Variants in CCDC3 observed in about 807,000 individuals in gnomAD.
CCDC3 encodes the protein coiled-coil domain-containing protein 3.
Under a neutral mutation model 21.4 loss-of-function variants are expected in CCDC3, and 24 were observed. The observed-to-expected ratio is 1.12, with a 90% CI of 0.81 to 1.58. CCDC3 has a LOEUF of 1.58. Among genes scored for constraint, CCDC3 ranks in the 40% most tolerant of loss-of-function variants. The pLI is 0.00. For missense variants in CCDC3, 425 were observed against 360.9 expected (o/e 1.18, Z -1.44); for synonymous variants, 186 against 166.0 (o/e 1.12, Z -0.93).
chr10:12,966,602 C>T (rs71513347), intron 2 of CCDC3, among the ~76,000 whole-genome samples: 15,616 of 152,186 alleles, frequency 0.1, 1,285 homozygotes, highest in African/African-American at 0.23. Flanking sequence ...GCATCAGACA[C>T]GCCCCAGACA....
chr10:12,932,905 T>C (rs1247611839), intron 2 of CCDC3, among the ~76,000 whole-genome samples: 2 of 152,240 alleles, frequency 1.3e-5, no homozygotes, highest in African/African-American at 4.8e-5. Flanking sequence ...TTTTTCTCCA[T>C]CTATTGATAT....
At chr10:12,930,565 T>C (rs1402620328) in intron 2 of CCDC3, among the ~76,000 whole-genome samples, 1 of 152,186 alleles carries the variant, frequency 6.6e-6, no homozygotes, top group Non-Finnish European at 1.5e-5. Flanking sequence ...TGCTAGCAAA[T>C]AGTGGCTGCT....
At chr10:13,043,315 G>A (rs1454228790) in intron 5 of CCDC3, among the ~76,000 whole-genome samples, 1 of 152,174 alleles carries the variant, frequency 6.6e-6, no homozygotes, top group African/African-American at 2.4e-5. Context: ...AGATAAGCTG[G>A]GCATGGTGGC....
chr10:13,034,130 G>C (rs1040727311), intron 5 of CCDC3, among the ~76,000 whole-genome samples: 10 of 152,020 alleles, frequency 6.6e-5, no homozygotes, highest in African/African-American at 2.4e-4. Flanking sequence ...AAGAAAATGT[G>C]GCACATATAC....
chr10:13,026,295 G>C (rs1836214460), intron 5 of CCDC3, among the ~76,000 whole-genome samples: 1 of 152,218 alleles, frequency 6.6e-6, no homozygotes, highest in Non-Finnish European at 1.5e-5. Flanking sequence ...GGTGTGGCCT[G>C]AAATTATATA....
At chr10:13,005,907 C>T (rs672823), upstream of CCDC3, among the ~76,000 whole-genome samples, 121,873 of 151,644 alleles carry the variant, frequency 0.8, 49,944 homozygotes, top group Non-Finnish European at 0.88. Flanking sequence ...AACATACATT[C>T]TCCCTCTTTT....
intron 2 of CCDC3, among the ~76,000 whole-genome samples, chr10:12,987,833 A>T (rs1835621397): frequency 6.6e-6 from 1 of 152,202 alleles, no homozygotes; most frequent in African/African-American, 2.4e-5. Flanking sequence ...GGAAGAACAC[A>T]GGAGAGCGCC....
chr10:12,996,797 G>C lies in CCDC3; in HGVS notation c.549+1541C>G, dbSNP rs774655357. ...TCCTTTGCAGACATGGATGCAGCTG[G>C]AGGCCATTATCCTAAGCAAATGAAC... On this transcript the variant is annotated intron_variant, in intron 2 of 2. Coordinates refer to ENST00000378825, the MANE Select transcript of CCDC3 (RefSeq NM_031455.4). Among the ~76,000 whole-genome samples, 26 of 152,260 alleles carry C rather than the reference G, an allele frequency of 1.7e-4. 1 individual carries two copies. Among genetic ancestry groups the C allele is most frequent in the Middle Eastern group, 6.8e-3 (2 of 294 alleles).
intron 2 of CCDC3, among the ~76,000 whole-genome samples, chr10:12,962,542 G>A (rs748081665): frequency 2.0e-5 from 3 of 152,218 alleles, no homozygotes; most frequent in Non-Finnish European, 4.4e-5. Context: ...GCTGGAGGCT[G>A]CAGTAAGCCA....
intron 5 of CCDC3, among the ~76,000 whole-genome samples, chr10:13,011,462 T>C (rs1302714896): frequency 1.3e-5 from 2 of 151,976 alleles, no homozygotes; most frequent in Non-Finnish European, 2.9e-5. Context: ...ATACAATACC[T>C]AGGAATACAG....
At chr10:12,948,740 T>TTA (rs1834963081) in intron 2 of CCDC3, among the ~76,000 whole-genome samples, 1 of 141,878 alleles carries the variant, frequency 7.0e-6, no homozygotes, top group Admixed American at 7.1e-5. Flanking sequence ...TTTTTTTTTT[T>TTA]TTTTTTTTTT....
chr10:12,962,645 G>A (rs987299105), intron 2 of CCDC3, among the ~76,000 whole-genome samples: 3 of 152,214 alleles, frequency 2.0e-5, no homozygotes, highest in Non-Finnish European at 4.4e-5. Context: ...GTTACATTTC[G>A]AACGGCTTAC....
chr10:13,088,389 C>T (rs12570212), intron 3 of CCDC3, among the ~76,000 whole-genome samples: 2,445 of 152,272 alleles, frequency 0.016, 89 homozygotes, highest in East Asian at 0.099. Flanking sequence ...ATTGAGCAAA[C>T]CAGTGTTGAT....
At chr10:12,964,592 T>C (rs1402473885) in intron 2 of CCDC3, among the ~76,000 whole-genome samples, 1 of 152,164 alleles carries the variant, frequency 6.6e-6, no homozygotes, top group Non-Finnish European at 1.5e-5. Context: ...AGATCCCTGA[T>C]TAACCCGTGC....
At chr10:12,899,182 C>G (rs1202251287) in intron 2 of CCDC3, among the ~76,000 whole-genome samples, 1 of 151,880 alleles carries the variant, frequency 6.6e-6, no homozygotes, top group Admixed American at 6.6e-5. Flanking sequence ...GCTGGGCTGG[C>G]CAGCACACAG....
chr10:13,063,311 A>C (rs1370660343), intron 4 of CCDC3, among the ~76,000 whole-genome samples: 6 of 152,048 alleles, frequency 3.9e-5, no homozygotes, highest in Non-Finnish European at 7.4e-5. Flanking sequence ...TAATTGTTCT[A>C]GGCATGGTGT....
intron 2 of CCDC3, among the ~76,000 whole-genome samples, chr10:12,951,036 C>A (rs1834999710): frequency 6.6e-6 from 1 of 152,132 alleles, no homozygotes; most frequent in South Asian, 2.1e-4. Context: ...TTAGAAAAGG[C>A]CAAGCAGGAG....
chr10:12,937,796 G>A (rs1389117010), intron 2 of CCDC3, among the ~76,000 whole-genome samples: 2 of 152,136 alleles, frequency 1.3e-5, no homozygotes, highest in Non-Finnish European at 2.9e-5. Flanking sequence ...GGCTCAGATG[G>A]GAGGCCACTA....
At chr10:12,988,788 T>C (rs1482164611) in intron 2 of CCDC3, among the ~76,000 whole-genome samples, 2 of 152,188 alleles carry the variant, frequency 1.3e-5, no homozygotes, top group Non-Finnish European at 2.9e-5. Flanking sequence ...TTTCTCCTGT[T>C]CCCTTTTGTA....
Sources: gnomAD v4.1 joint callset for allele counts (sites outside exome capture counted in the v4.1 genomes callset) on GRCh38, gnomAD v4.1.1 for gene constraint, MANE v1.5 for transcripts, NCBI Gene and HGNC (gene_info 2026-07-23, HGNC 2026-07-21) for gene names.